ZC3H13: variants seen among roughly 807,000 people sequenced by gnomAD.
The protein encoded by ZC3H13 is zinc finger CCCH domain-containing protein 13.
ZC3H13 carries 64 observed loss-of-function variants against 204.1 expected under a neutral mutation model. That is an observed-to-expected ratio of 0.31 (90% CI 0.26 to 0.39). ZC3H13 has a LOEUF of 0.39. Ranked by LOEUF, ZC3H13 falls within the 10% of genes least tolerant of loss-of-function variation. ZC3H13 has a pLI of 1.00. For synonymous variants in ZC3H13, 667 were observed against 693.7 expected (o/e 0.96, Z 0.60); for missense variants, 1,833 against 2,082.7 (o/e 0.88, Z 2.33).
In ZC3H13 at chr13:45,967,687, C is replaced by G; in HGVS notation, c.4138G>C (p.Glu1380Gln). Reference sequence around the variant, plus strand: ...TTCACAGACTCTATTTGAGAACTCTCAAAAGTTCTGTCTCTGTCTCTGTCC... The same window carrying G: ...TTCACAGACTCTATTTGAGAACTCTGAAAAGTTCTGTCTCTGTCTCTGTCC... The part of the protein sequence containing the change: ...DRDRDRDRTF[E>Q]SSQIESVKRC... Residue 1380 changes from glutamate (E) to glutamine (Q), a missense_variant, in exon 15 of 19, where the codon GAG becomes CAG. By Grantham distance (29) the Glu-to-Gln change is conservative. Transcript: ENST00000679008. 6.2e-7 allele frequency: 1 copy of G among 1,614,020 alleles called. No individual in the cohort carries two copies. The highest frequency in any genetic ancestry group is 8.5e-7 in the Non-Finnish European group (1 of 1,179,958).
intron 17 of ZC3H13, among the ~76,000 whole-genome samples, chr13:45,961,313 T>C (rs2137755672): frequency 6.6e-6 from 1 of 152,162 alleles, no homozygotes; most frequent in African/African-American, 2.4e-5. Context: ...ACATTTCTGT[T>C]TATTGGGATC....
rs774212800 is a variant in ZC3H13, at chr13:45,988,998, A to G, written c.1044T>C (p.Ser348=). 2 of 1,614,100 alleles carry G rather than the reference A, an allele frequency of 1.2e-6. No individual in the cohort carries two copies. Among genetic ancestry groups the G allele is most frequent in the Non-Finnish European group, 1.7e-6 (2 of 1,179,996 alleles). The change falls in exon 9 of 19, where the codon TCT becomes TCC. Residue 348 remains serine (S), a synonymous_variant. Transcript: ENST00000679008. ...SGSSIQRHSP[S]PRRKRTPSPS... ...GTGAAGGAGTTCTTTTTCGACGAGG[A>G]GAAGGAGAATGTCTTTGAATAGATG... is the stretch of plus-strand genomic sequence containing the variant.
intron 12 of ZC3H13, among the ~76,000 whole-genome samples, chr13:45,972,613 A>G (rs147717598): frequency 3.3e-5 from 5 of 152,354 alleles, no homozygotes; most frequent in Middle Eastern, 6.8e-3. Context: ...CAGCACATGT[A>G]TATCATAGAC....
chr13:45,987,825 T>G (rs1214718088), intron 9 of ZC3H13, among the ~76,000 whole-genome samples: 1 of 152,144 alleles, frequency 6.6e-6, no homozygotes, highest in Non-Finnish European at 1.5e-5. Context: ...AAAACAGACT[T>G]ATTAAGTTGA....
Position 46,045,044 on chromosome 13 carries a change from C to G in ZC3H13, c.138G>C (p.Leu46=). The G allele has an allele frequency of 6.2e-7, 1 of 1,613,378 alleles. No homozygotes were observed. Among genetic ancestry groups the G allele is most frequent in the Non-Finnish European group, 8.5e-7 (1 of 1,179,586 alleles). The change falls in exon 3 of 19, where the codon CTG becomes CTC. Residue 46 remains leucine (L), a synonymous_variant. Coordinates refer to ENST00000679008, the MANE Select transcript of ZC3H13 (RefSeq NM_001330564.2). ...STAETQCRNW[L]KTGNCLYGNT... is the part of the protein sequence containing the mutation. ...TTCCATAGAGGCAGTTGCCAGTCTTCAGCCAGTTACGGCACTGTGTCTAAG... is the reference window on the plus strand; with the variant it reads ...TTCCATAGAGGCAGTTGCCAGTCTTGAGCCAGTTACGGCACTGTGTCTAAG...
chr13:46,016,688 A>T (rs894254586), intron 5 of ZC3H13, among the ~76,000 whole-genome samples: 1 of 152,134 alleles, frequency 6.6e-6, no homozygotes, highest in Admixed American at 6.6e-5. Flanking sequence ...TGAACATCCA[A>T]TGGGTTGGAC....
intron 12 of ZC3H13, 36 bp from the exon 13 acceptor site, chr13:45,970,501 T>C (rs373420086): frequency 1.9e-6 from 3 of 1,582,162 alleles, no homozygotes; most frequent in African/African-American, 2.7e-5. Flanking sequence ...TATAAAATTC[T>C]AGGGGGCAAA....
intron 6 of ZC3H13, 151 bp from the exon 7 acceptor site, chr13:46,010,656 G>C: frequency 1.4e-6 from 1 of 738,494 alleles, no homozygotes; most frequent in Non-Finnish European, 2.1e-6. Context: ...AGTTTCTCGA[G>C]AGGCTGAGGT....
Position 45,954,801 on chromosome 13 carries a change from G to A in ZC3H13, c.*2326C>T, listed in dbSNP as rs1351387092. 1 of 152,176 alleles carries A rather than the reference G, an allele frequency of 6.6e-6. No homozygotes were observed. The highest frequency in any genetic ancestry group is 1.5e-5 in the Non-Finnish European group (1 of 68,028). 9.4% of individuals were successfully genotyped at this position (152,176 alleles called of 1,614,324 possible). ...TCCTAATGTAGTCATAGGCTAGGAT[G>A]GTGACGACAATCTGCAATTACTGGT... is the stretch of plus-strand genomic sequence containing the variant. On this transcript the variant is annotated 3_prime_UTR_variant, in exon 19 of 19. Coordinates refer to ENST00000679008, the MANE Select transcript of ZC3H13 (RefSeq NM_001330564.2).
chr13:45,975,907 AATCTT>A, intron 11 of ZC3H13, 69 bp from the exon 12 acceptor site: 1 of 1,433,064 alleles, frequency 7.0e-7, no homozygotes, highest in Non-Finnish European at 9.1e-7. Flanking sequence ...CAGCATGGTA[AATCTT>A]AAATTTTATC....
chr13:45,995,397 G>C (rs2040259108), intron 8 of ZC3H13, among the ~76,000 whole-genome samples: 1 of 152,154 alleles, frequency 6.6e-6, no homozygotes, highest in Admixed American at 6.5e-5. Context: ...CCAAGCCTTG[G>C]TTAATTTGAC....
In ZC3H13 at chr13:45,985,565, A is replaced by G. The variant is rs1171133201; in HGVS notation, c.1452T>C (p.Asp484=). 1 of 1,613,804 alleles carries G rather than the reference A, an allele frequency of 6.2e-7. No individual in the cohort carries two copies. The highest frequency in any genetic ancestry group is 8.5e-7 in the Non-Finnish European group (1 of 1,179,962). ...RDMRDSREMR[D]YSRDTKESRD... is the part of the protein sequence containing the mutation. ...GGCTCTCTTTGGTATCTCTGCTATAATCTCTCATCTCCCTTGAGTCCCGCA... is the reference window on the plus strand; with the variant it reads ...GGCTCTCTTTGGTATCTCTGCTATAGTCTCTCATCTCCCTTGAGTCCCGCA... The change falls in exon 10 of 19, where the codon GAT becomes GAC. Residue 484 remains aspartate (D), a synonymous_variant. Coordinates refer to ENST00000679008, the MANE Select transcript of ZC3H13 (RefSeq NM_001330564.2).
chr13:45,977,224 T>C (rs1007433636), intron 11 of ZC3H13, among the ~76,000 whole-genome samples: 3 of 152,178 alleles, frequency 2.0e-5, no homozygotes, highest in African/African-American at 7.2e-5. Context: ...ATTCCTAGAA[T>C]GCTATCTACC....
intron 17 of ZC3H13, chr13:45,963,598 T>C (rs1237959924): frequency 7.8e-7 from 1 of 1,275,140 alleles, no homozygotes; most frequent in Non-Finnish European, 9.9e-7. Flanking sequence ...TGTTAATAAG[T>C]AATTTTCATA....
At chr13:45,964,148 GTACTT>G (rs1357152818) in intron 16 of ZC3H13, 106 bp from the exon 17 acceptor site, 1 of 1,126,714 alleles carries the variant, frequency 8.9e-7, no homozygotes, top group Non-Finnish European at 1.2e-6. Flanking sequence ...AAAATGAAAA[GTACTT>G]TAAACCAAAA....
intron 4 of ZC3H13, among the ~76,000 whole-genome samples, chr13:46,037,947 A>G (rs1021402484): frequency 2.6e-5 from 4 of 152,200 alleles, no homozygotes; most frequent in African/African-American, 7.2e-5. Flanking sequence ...AATTCAGACT[A>G]CCCACATTTG....
intron 4 of ZC3H13, among the ~76,000 whole-genome samples, chr13:46,023,427 A>G (rs912848438): frequency 3.3e-5 from 5 of 152,134 alleles, no homozygotes; most frequent in African/African-American, 9.7e-5. Flanking sequence ...TGCAAAACAA[A>G]TCTAATACTT....
chr13:45,979,989 C>T lies in ZC3H13; in HGVS notation c.1736G>A (p.Arg579Lys). ...ELPEKGSRGS[R>K]GSQIDSHSSN... ...ACTGTGACTATCAATTTGAGAACCTCTTGAGCCTCGACTTCCTAAACAAAG... is the reference window on the plus strand; with the variant it reads ...ACTGTGACTATCAATTTGAGAACCTTTTGAGCCTCGACTTCCTAAACAAAG... The change falls in exon 11 of 19, where the codon AGA becomes AAA. Residue 579 changes from arginine (R) to lysine (K), a missense_variant. Arg to Lys is a conservative substitution (Grantham distance 26). This residue lies in a region of ZC3H13 where 1,574 missense variants were observed against 1,757.2 expected (regional missense o/e 0.90). Transcript: ENST00000679008. 6.2e-7 allele frequency: 1 copy of T among 1,600,088 alleles called. No homozygotes were observed. The highest frequency in any genetic ancestry group is 1.1e-5 in the South Asian group (1 of 88,490).
chr13:45,983,571 C>T lies in ZC3H13; in HGVS notation c.1720+1726G>A, dbSNP rs573206597. ...CCTCCCGAGTAGCTGGGATTACAGG[C>T]GCCCACCACCACGCCCGGCTAATTT... is the stretch of plus-strand genomic sequence containing the variant. On this transcript the variant is annotated intron_variant, in intron 10 of 18. Transcript: ENST00000679008. Among the ~76,000 whole-genome samples, 57 of 148,846 alleles carry T rather than the reference C, an allele frequency of 3.8e-4. 2 individuals are homozygous for T. In the East Asian group the frequency reaches 5.5e-3, roughly 14 times the overall value.
Sources: allele counts gnomAD v4.1 joint callset (sites outside exome capture counted in the v4.1 genomes callset), GRCh38; gene constraint gnomAD v4.1.1; regional missense constraint gnomAD v4.1.1; transcripts MANE v1.5; gene names NCBI Gene and HGNC (gene_info 2026-07-23, HGNC 2026-07-21).